Variants in CCDC192 observed in about 807,000 individuals in gnomAD.
The protein encoded by CCDC192 is coiled-coil domain containing 192.
chr5:127,709,205 GAGAGAGAGAGAGAGAGAGAGA>G (rs1561438709), intron 2 of CCDC192, among the ~76,000 whole-genome samples: 1 of 13,420 alleles, frequency 7.5e-5, no homozygotes, highest in East Asian at 6.6e-4. Flanking sequence ...GAGAGGGGGA[GAGAGAGAGAGAGAGAGAGAGA>G]GAGAGAGAGA....
At chr5:127,730,228 G>A (rs1561451360) in intron 2 of CCDC192, among the ~76,000 whole-genome samples, 1 of 152,152 alleles carries the variant, frequency 6.6e-6, no homozygotes, top group Non-Finnish European at 1.5e-5. Flanking sequence ...ACAACCATCA[G>A]AGAATACTAT....
At chr5:127,841,204 T>C (rs1181787052) in intron 5 of CCDC192, among the ~76,000 whole-genome samples, 1 of 152,200 alleles carries the variant, frequency 6.6e-6, no homozygotes, top group Non-Finnish European at 1.5e-5. Context: ...AACAGTATAG[T>C]GGAGTCCGAA....
chr5:127,912,630 G>A (rs77189999), intron 6 of CCDC192, among the ~76,000 whole-genome samples: 113 of 152,192 alleles, frequency 7.4e-4, no homozygotes, highest in African/African-American at 2.6e-3. Flanking sequence ...GATTCCTTGT[G>A]GTGATAAGAA....
At chr5:127,716,512 G>A (rs1305127137) in intron 2 of CCDC192, among the ~76,000 whole-genome samples, 2 of 152,116 alleles carry the variant, frequency 1.3e-5, no homozygotes, top group African/African-American at 4.8e-5. Flanking sequence ...GAAGCTGTCA[G>A]GTCCTGAGCT....
chr5:127,852,215 C>G (rs1750829466), intron 5 of CCDC192, among the ~76,000 whole-genome samples: 1 of 152,172 alleles, frequency 6.6e-6, no homozygotes, highest in Non-Finnish European at 1.5e-5. Context: ...ACAGTTCATC[C>G]TGTTGAAGGT....
intron 3 of CCDC192, among the ~76,000 whole-genome samples, chr5:127,796,508 C>T (rs1414293568): frequency 6.6e-6 from 1 of 152,168 alleles, no homozygotes; most frequent in Non-Finnish European, 1.5e-5. Context: ...CAAACTACCA[C>T]TTTCCTCAAA....
At chr5:127,703,303 A>T, upstream of CCDC192, 1 of 395,098 alleles carries the variant, frequency 2.5e-6, no homozygotes, top group Non-Finnish European at 4.5e-6. Flanking sequence ...TTTCTTTGGG[A>T]AGTTAACTGT....
At chr5:127,835,867 G>A (rs1443393537) in intron 5 of CCDC192, among the ~76,000 whole-genome samples, 2 of 152,124 alleles carry the variant, frequency 1.3e-5, no homozygotes, top group African/African-American at 4.8e-5. Context: ...TGAGATTTCG[G>A]TGGAGAGACA....
chr5:127,908,365 A>G (rs1753256310), intron 6 of CCDC192, among the ~76,000 whole-genome samples: 1 of 152,232 alleles, frequency 6.6e-6, no homozygotes, highest in Non-Finnish European at 1.5e-5. Context: ...ACTCAGAACT[A>G]AATGAAATAC....
chr5:127,907,147 G>A (rs1416432057), intron 6 of CCDC192, among the ~76,000 whole-genome samples: 1 of 151,926 alleles, frequency 6.6e-6, no homozygotes, highest in Non-Finnish European at 1.5e-5. Flanking sequence ...CCACTACCTT[G>A]TTTGAATTTG....
intron 6 of CCDC192, among the ~76,000 whole-genome samples, chr5:127,919,051 G>T (rs7723806): frequency 0.093 from 13,814 of 147,974 alleles, 2,075 homozygotes; most frequent in African/African-American, 0.32. Context: ...ATATATCTGT[G>T]TGTGTATGTG....
chr5:127,856,454 G>C (rs1248953918), intron 5 of CCDC192, among the ~76,000 whole-genome samples: 1 of 152,144 alleles, frequency 6.6e-6, no homozygotes, highest in East Asian at 1.9e-4. Context: ...CAACAGGGTT[G>C]GTTTGCTTTT....
chr5:127,782,996 G>T (rs1561485849), intron 3 of CCDC192, among the ~76,000 whole-genome samples: 1 of 147,380 alleles, frequency 6.8e-6, no homozygotes, highest in Non-Finnish European at 1.5e-5. Context: ...TTAGAGGTGG[G>T]GTTTTTTTTT....
chr5:127,881,408 T>A (rs1294024555), intron 6 of CCDC192, among the ~76,000 whole-genome samples: 2 of 152,242 alleles, frequency 1.3e-5, no homozygotes, highest in African/African-American at 2.4e-5. Flanking sequence ...AAATTAGAAC[T>A]CCTTTTTACC....
intron 3 of CCDC192, among the ~76,000 whole-genome samples, chr5:127,761,109 C>A (rs2569146): frequency 0.28 from 41,877 of 152,096 alleles, 6,526 homozygotes; most frequent in South Asian, 0.43. Flanking sequence ...TTGCAAGAAC[C>A]TAATTTGGGG....
chr5:127,803,336 C>T (rs1757607695), intron 5 of CCDC192, among the ~76,000 whole-genome samples: 1 of 152,198 alleles, frequency 6.6e-6, no homozygotes, highest in South Asian at 2.1e-4. Flanking sequence ...GGTTACCCCT[C>T]CCAGTGCACA....
chr5:127,790,517 A>G lies in CCDC192; in HGVS notation c.223-6586A>G, dbSNP rs533076298. On this transcript the variant is annotated intron_variant, in intron 3 of 6. Coordinates refer to ENST00000514853, the MANE Select transcript of CCDC192 (RefSeq NM_001317938.2). ...GATACACAATAAATTATTGTTAACC[A>G]TAATTTTCTTACTGTACTAATGAGT... is the stretch of plus-strand genomic sequence containing the variant. Among the ~76,000 whole-genome samples, 26 of 152,308 alleles carry G rather than the reference A, an allele frequency of 1.7e-4. No homozygotes were observed. In the South Asian group the frequency reaches 5.0e-3, roughly 29 times the overall value.
intron 5 of CCDC192, among the ~76,000 whole-genome samples, chr5:127,819,219 G>T (rs139386886): frequency 7.8e-4 from 118 of 152,228 alleles, no homozygotes; most frequent in African/African-American, 2.8e-3. Context: ...ACACGCTAAG[G>T]CAACTACTAG....
At chr5:127,752,812 G>A (rs554748068) in intron 2 of CCDC192, among the ~76,000 whole-genome samples, 2 of 152,316 alleles carry the variant, frequency 1.3e-5, no homozygotes, top group African/African-American at 4.8e-5. Context: ...ATATAATCTC[G>A]TGGTGCGCCG....
Sources: gnomAD v4.1 joint callset for allele counts (sites outside exome capture counted in the v4.1 genomes callset) on GRCh38, gnomAD v4.1.1 for gene constraint, MANE v1.5 for transcripts, NCBI Gene and HGNC (gene_info 2026-07-23, HGNC 2026-07-21) for gene names.